SEL1L2: variants seen among roughly 807,000 people sequenced by gnomAD.
SEL1L2 encodes the protein protein sel-1 homolog 2.
In SEL1L2, 89 loss-of-function variants were observed where a neutral mutation model predicts 98.8. The observed-to-expected ratio is 0.90, with a 90% CI of 0.76 to 1.07. The LOEUF (loss-of-function observed/expected upper bound fraction) is 1.07. SEL1L2 is among the 50% of genes least tolerant of loss of function. The pLI is 0.00. For synonymous variants in SEL1L2, 262 were observed against 278.5 expected, an observed-to-expected ratio of 0.94 and a Z score of 0.59; for missense variants, 788 against 812.0, an observed-to-expected ratio of 0.97 and a Z score of 0.36.
intron 5 of SEL1L2, among the ~76,000 whole-genome samples, chr20:13,889,947 T>A (rs560661635): frequency 6.6e-6 from 1 of 152,280 alleles, no homozygotes; most frequent in South Asian, 2.1e-4. Flanking sequence ...ATAGGAAGCC[T>A]CAGACTGCAT....
At chr20:13,881,528 T>A (rs2046701490) in intron 10 of SEL1L2, among the ~76,000 whole-genome samples, 1 of 152,208 alleles carries the variant, frequency 6.6e-6, no homozygotes. Flanking sequence ...ATTCTGAGCC[T>A]TCATATATTT....
At chr20:13,883,669 A>G (rs1336801745) in intron 10 of SEL1L2, among the ~76,000 whole-genome samples, 2 of 150,860 alleles carry the variant, frequency 1.3e-5, no homozygotes. Flanking sequence ...CAGCCCTGGG[A>G]TTGCACTTCA....
chr20:13,928,801 A>C (rs1396321723), intron 3 of SEL1L2, among the ~76,000 whole-genome samples: 3 of 152,218 alleles, frequency 2.0e-5, no homozygotes, highest in Non-Finnish European at 4.4e-5. Context: ...GTTAATGTAA[A>C]ATGCGCACAG....
chr20:13,987,111 G>GGCA (rs1375661146), intron 1 of SEL1L2, among the ~76,000 whole-genome samples: 2 of 140,970 alleles, frequency 1.4e-5, no homozygotes, highest in African/African-American at 5.5e-5. Flanking sequence ...GATTACAGGC[G>GGCA]TGAGCCACCG....
intron 19 of SEL1L2, 70 bp from the exon 20 acceptor site, chr20:13,849,674 C>T (rs1364499221): frequency 1.3e-5 from 20 of 1,562,622 alleles, no homozygotes; most frequent in Non-Finnish European, 1.7e-5. Flanking sequence ...ACCATCTCTT[C>T]CCAAACCCAC....
intron 1 of SEL1L2, among the ~76,000 whole-genome samples, chr20:13,962,588 G>C (rs2050831476): frequency 6.6e-6 from 1 of 152,164 alleles, no homozygotes; most frequent in Admixed American, 6.5e-5. Context: ...AATCATTGTT[G>C]TTTGAACTCA....
chr20:13,874,740 T>G (rs912818302), intron 12 of SEL1L2, among the ~76,000 whole-genome samples: 1 of 152,176 alleles, frequency 6.6e-6, no homozygotes, highest in Non-Finnish European at 1.5e-5. Flanking sequence ...TAGCAGCAGC[T>G]CTGAGGTGGT....
At chr20:13,933,104 G>A (rs903631436) in intron 2 of SEL1L2, among the ~76,000 whole-genome samples, 3 of 152,194 alleles carry the variant, frequency 2.0e-5, no homozygotes, top group African/African-American at 7.2e-5. Flanking sequence ...CCGCTACTTG[G>A]GAGGTGAGGC....
At chr20:13,858,066 C>G (rs1369623567) in intron 18 of SEL1L2, among the ~76,000 whole-genome samples, 1 of 152,158 alleles carries the variant, frequency 6.6e-6, no homozygotes, top group African/African-American at 2.4e-5. Context: ...ATTTGACATT[C>G]TTTCCACTGC....
At chr20:13,877,477 GT>G in intron 11 of SEL1L2, 42 bp downstream of exon 11, 1 of 1,488,912 alleles carries the variant, frequency 6.7e-7, no homozygotes, top group Non-Finnish European at 9.3e-7. Context: ...AATTTCTTAG[GT>G]TTTTAATAAA....
At chr20:13,949,330 T>C (rs1307047376) in intron 2 of SEL1L2, among the ~76,000 whole-genome samples, 1 of 152,196 alleles carries the variant, frequency 6.6e-6, no homozygotes, top group Non-Finnish European at 1.5e-5. Context: ...AAAACCTCAA[T>C]GAGCCACCAC....
At chr20:13,879,837 T>C (rs2046611295) in intron 10 of SEL1L2, among the ~76,000 whole-genome samples, 1 of 152,150 alleles carries the variant, frequency 6.6e-6, no homozygotes, top group African/African-American at 2.4e-5. Context: ...TAAAAGTGTA[T>C]CTCATGAATC....
intron 5 of SEL1L2, among the ~76,000 whole-genome samples, chr20:13,900,020 T>C (rs2047598922): frequency 6.6e-6 from 1 of 152,224 alleles, no homozygotes; most frequent in Non-Finnish European, 1.5e-5. Flanking sequence ...ATTTTCTTTT[T>C]TAAAAATGAT....
chr20:13,883,063 G>A (rs1461737905), intron 10 of SEL1L2, among the ~76,000 whole-genome samples: 1 of 151,906 alleles, frequency 6.6e-6, no homozygotes, highest in Non-Finnish European at 1.5e-5. Context: ...CTCGTGATCC[G>A]CCCGCCTCGG....
chr20:13,934,968 A>T (rs1231362364), intron 2 of SEL1L2, among the ~76,000 whole-genome samples: 1 of 152,132 alleles, frequency 6.6e-6, no homozygotes, highest in Non-Finnish European at 1.5e-5. Context: ...TGCACTCTCT[A>T]GTATAGTGGA....
chr20:13,919,165 A>G, intron 3 of SEL1L2, 42 bp from the exon 4 acceptor site: 1 of 1,153,386 alleles, frequency 8.7e-7, no homozygotes, highest in Non-Finnish European at 1.3e-6. Flanking sequence ...TATTACTTCT[A>G]TGTTCCATAT....
At chr20:13,880,286 T>A (rs2046633973) in intron 10 of SEL1L2, among the ~76,000 whole-genome samples, 1 of 152,200 alleles carries the variant, frequency 6.6e-6, no homozygotes, top group South Asian at 2.1e-4. Context: ...ATCAGTGAAA[T>A]TTTAAAAGAA....
chr20:13,960,822 G>A (rs1451359429), intron 1 of SEL1L2, among the ~76,000 whole-genome samples: 3 of 152,120 alleles, frequency 2.0e-5, no homozygotes, highest in East Asian at 3.9e-4. Context: ...CTACTTGCCT[G>A]AGGCTTTAAA....
chr20:13,991,810 T>C (rs111387523), upstream of SEL1L2, among the ~76,000 whole-genome samples: 6 of 152,230 alleles, frequency 3.9e-5, no homozygotes, highest in East Asian at 5.8e-4. Flanking sequence ...CTGACCACCA[T>C]GGCGAAACCC....
Sources: gnomAD v4.1 joint callset for allele counts (sites outside exome capture counted in the v4.1 genomes callset) on GRCh38, gnomAD v4.1.1 for gene constraint, MANE v1.5 for transcripts, NCBI Gene and HGNC (gene_info 2026-07-23, HGNC 2026-07-21) for gene names.